RIMBP2: variants seen among roughly 807,000 people sequenced by gnomAD.
The protein encoded by RIMBP2 is RIMS-binding protein 2.
A neutral mutation model predicts 118.6 loss-of-function variants in RIMBP2; 48 were observed. The ratio of observed to expected loss-of-function variants is 0.40; its 90% CI spans 0.32 to 0.51. The LOEUF (loss-of-function observed/expected upper bound fraction) is 0.51, where lower values mean the gene tolerates loss of function less well. Ranked by LOEUF, RIMBP2 falls within the 20% of genes least tolerant of loss-of-function variation. RIMBP2 has a pLI of 0.41. For missense variants in RIMBP2, 1,551 were observed against 1,768.3 expected (o/e 0.88, Z 2.20); for synonymous variants, 762 against 742.9 (o/e 1.03, Z -0.42).
At chr12:130,480,198 T>TACACACACACACACACAC (rs10580090) in intron 4 of RIMBP2, among the ~76,000 whole-genome samples, 1 of 128,180 alleles carries the variant, frequency 7.8e-6, no homozygotes, top group African/African-American at 3.5e-5. Flanking sequence ...TTTCCTTTCA[T>TACACACACACACACACAC]ACACACACAC....
intron 6 of RIMBP2, chr12:130,465,592 C>T (rs929168124): frequency 5.3e-5 from 8 of 152,242 alleles, no homozygotes; most frequent in East Asian, 1.9e-4. Flanking sequence ...TGTGTGTCCT[C>T]GGGTAAGTGG....
intron 1 of RIMBP2, among the ~76,000 whole-genome samples, chr12:130,634,645 G>T (rs937611785): frequency 6.6e-6 from 1 of 151,714 alleles, no homozygotes; most frequent in Non-Finnish European, 1.5e-5. Flanking sequence ...AGGCTGAAGT[G>T]CAGTGGCGTG....
rs771928388 is a variant in RIMBP2 at position 130,623,197 on chromosome 12, T to C, written c.-217+5125A>G. ...AAGCATATTATGATGAACACACACA[T>C]GTATTCCCCTTTAGCTTTTTCTATA... is the stretch of plus-strand genomic sequence containing the variant. On this transcript the variant is annotated intron_variant, in intron 2 of 22. Transcript: ENST00000690449. The surrounding 1 kb of genome is among the most constrained non-coding windows in gnomAD (Gnocchi z 4.1). Among the ~76,000 whole-genome samples the C allele has an allele frequency of 9.2e-5, 14 of 152,222 alleles. No individual in the cohort carries two copies. Among genetic ancestry groups the C allele is most frequent in the Middle Eastern group, 3.2e-3 (1 of 316 alleles).
chr12:130,687,457 A>G (rs1024629016), intron 1 of RIMBP2, among the ~76,000 whole-genome samples: 1 of 152,186 alleles, frequency 6.6e-6, no homozygotes, highest in Non-Finnish European at 1.5e-5. Flanking sequence ...GTTTCACTGT[A>G]TAATTATTTT....
At chr12:130,470,661 C>G (rs990472195) in intron 6 of RIMBP2, 32 bp downstream of exon 6, 46 of 1,221,978 alleles carry the variant, frequency 3.8e-5, no homozygotes, top group Admixed American at 3.0e-4. Flanking sequence ...CGTCCCCCAC[C>G]CCCGGGCAGA....
chr12:130,571,733 G>A lies in RIMBP2; in HGVS notation c.-216-53816C>T, dbSNP rs1357554095. Among the ~76,000 whole-genome samples the A allele has an allele frequency of 3.9e-5, 6 of 152,196 alleles. No homozygotes were observed. The East Asian group carries it at 7.8e-4, about 20-fold the overall frequency. On this transcript the variant is annotated intron_variant, in intron 2 of 22. Coordinates refer to ENST00000690449, the MANE Select transcript of RIMBP2 (RefSeq NM_001393629.1). ...CGTCCCACCCCACTTGGGACAAAAC[G>A]GGAACCTCACTGTGGCCTCCAAGGC...
chr12:130,507,187 A>G lies in RIMBP2; in HGVS notation c.-126-417T>C, dbSNP rs1279408177. ...TTTGCCCACTGGACTCGGAAAGTTA[A>G]AGACAAACAGCTGGAACTACTGTGG... is the stretch of plus-strand genomic sequence containing the variant. On this transcript the variant is annotated intron_variant, in intron 3 of 22. Transcript: ENST00000690449. Among the ~76,000 whole-genome samples, 8 of 152,208 alleles carry G rather than the reference A, an allele frequency of 5.3e-5. No homozygotes were observed. In the East Asian group the frequency reaches 1.2e-3, roughly 22 times the overall value.
chr12:130,672,321 G>A lies in RIMBP2; in HGVS notation c.-351-43865C>T, dbSNP rs560469201. Among the ~76,000 whole-genome samples, 3 of 152,352 alleles carry A rather than the reference G, an allele frequency of 2.0e-5. No individual in the cohort carries two copies. In the South Asian group the frequency reaches 6.2e-4, roughly 32 times the overall value. ...AATCAATTAAATCACTCGCTTGGCA[G>A]CATTATTTATGGAAATAAGAAATCG... On this transcript the variant is annotated intron_variant, in intron 1 of 22. Coordinates refer to ENST00000690449, the MANE Select transcript of RIMBP2 (RefSeq NM_001393629.1).
intron 2 of RIMBP2, among the ~76,000 whole-genome samples, chr12:130,558,238 C>T (rs534493790): frequency 1.9e-4 from 29 of 152,262 alleles, no homozygotes; most frequent in African/African-American, 6.7e-4. Context: ...GTTCTCCCCT[C>T]ATTGTCTCAC....
chr12:130,456,709 C>A lies in RIMBP2; in HGVS notation c.154-9G>T. ...AGCTCTCGAACCTTGGACTGCACGG[C>A]AGAAGCAGGACAGGGGGTCAGCGGT... On this transcript the variant is annotated splice_polypyrimidine_tract_variant and intron_variant, in intron 6 of 22. Transcript: ENST00000690449. 1.9e-6 allele frequency: 3 copies of A among 1,592,970 alleles called. No homozygotes were observed. The South Asian group carries it at 3.3e-5, about 18-fold the overall frequency.
chr12:130,513,127 A>G (rs894481485), intron 3 of RIMBP2, among the ~76,000 whole-genome samples: 1 of 152,162 alleles, frequency 6.6e-6, no homozygotes, highest in Non-Finnish European at 1.5e-5. Flanking sequence ...AGGTTGTAGG[A>G]AATTCTGACC....
chr12:130,684,831 T>G (rs564608167), intron 1 of RIMBP2, among the ~76,000 whole-genome samples: 2 of 152,310 alleles, frequency 1.3e-5, no homozygotes, highest in Non-Finnish European at 2.9e-5. Flanking sequence ...TTCCTTCTCT[T>G]ACTTTCGGGA....
intron 6 of RIMBP2, chr12:130,468,961 G>GAGCTCCTCGGAGC (rs1335722510): frequency 6.6e-6 from 1 of 152,066 alleles, no homozygotes; most frequent in Non-Finnish European, 1.5e-5. Flanking sequence ...CCTGCTTGTG[G>GAGCTCCTCGGAGC]AGCTCCTCGG....
At chr12:130,573,120 C>T (rs748836447) in intron 2 of RIMBP2, among the ~76,000 whole-genome samples, 18 of 152,114 alleles carry the variant, frequency 1.2e-4, no homozygotes, top group South Asian at 2.1e-4. Context: ...ATCAGTGAAG[C>T]AACACTGCAG....
At chr12:130,618,157 G>A (rs538997824) in intron 2 of RIMBP2, among the ~76,000 whole-genome samples, 2 of 152,094 alleles carry the variant, frequency 1.3e-5, no homozygotes, top group Admixed American at 6.5e-5. Context: ...TTGCTTGCCC[G>A]TAACTATGCG....
intron 2 of RIMBP2, among the ~76,000 whole-genome samples, chr12:130,605,930 T>C (rs1156432502): frequency 6.6e-6 from 1 of 151,958 alleles, no homozygotes; most frequent in African/African-American, 2.4e-5. Flanking sequence ...TAGCCAGGCA[T>C]GGTGGTGGGA....
chr12:130,601,926 G>T (rs1045182852), intron 2 of RIMBP2, among the ~76,000 whole-genome samples: 1 of 152,194 alleles, frequency 6.6e-6, no homozygotes, highest in African/African-American at 2.4e-5. Context: ...CAATGAGAAG[G>T]AATAAAGGGA....
chr12:130,600,985 C>G (rs1364835345), intron 2 of RIMBP2, among the ~76,000 whole-genome samples: 1 of 152,146 alleles, frequency 6.6e-6, no homozygotes, highest in African/African-American at 2.4e-5. Flanking sequence ...TAAGTTGTCC[C>G]TTGTAGCCAT....
rs2076297326 is a variant in RIMBP2 at position 130,419,586 on chromosome 12, G to T, written c.3238+2867C>A. 1 of 152,104 alleles carries T rather than the reference G, an allele frequency of 6.6e-6. No homozygotes were observed. Among genetic ancestry groups the T allele is most frequent in the Non-Finnish European group, 1.5e-5 (1 of 68,018 alleles). 9.4% of individuals were successfully genotyped at this position (152,104 alleles called of 1,614,324 possible). On this transcript the variant is annotated intron_variant, in intron 17 of 22. Coordinates refer to ENST00000690449, the MANE Select transcript of RIMBP2 (RefSeq NM_001393629.1). The surrounding 1 kb of genome is among the most constrained non-coding windows in gnomAD (Gnocchi z 4.3). The stretch of plus-strand genomic sequence containing the variant: ...GAAGAAAAGAGCTCCCCTTTTTAAG[G>T]GGCAAAGCTTTGTCAATAGAGTTAC...
Sources: allele counts gnomAD v4.1 joint callset (sites outside exome capture counted in the v4.1 genomes callset), GRCh38; gene constraint gnomAD v4.1.1; non-coding constraint Gnocchi (gnomAD v3.1); transcripts MANE v1.5; gene names NCBI Gene and HGNC (gene_info 2026-07-23, HGNC 2026-07-21).